Variants in HIBCH observed in about 807,000 individuals in gnomAD.
HIBCH encodes 3-hydroxyisobutyryl-CoA hydrolase.
In HIBCH, 50 loss-of-function variants were observed where a neutral mutation model predicts 58.2. The observed-to-expected ratio is 0.86, with a 90% CI of 0.68 to 1.09. The LOEUF is 1.09. HIBCH is among the 50% of genes least tolerant of loss of function. The pLI, the probability that HIBCH is intolerant of heterozygous loss-of-function variation, is 0.00. For missense variants in HIBCH, 450 were observed against 449.7 expected, an observed-to-expected ratio of 1.00 and a Z score of -0.01; for synonymous variants, 151 against 146.9, an observed-to-expected ratio of 1.03 and a Z score of -0.20.
Position 190,304,743 on chromosome 2 carries a change from GTTTT to G in HIBCH, c.78+6007_78+6010del, listed in dbSNP as rs1688360108. 1.3e-5 allele frequency among the ~76,000 whole-genome samples: 2 copies of G among 152,104 alleles called. No individual in the cohort carries two copies. The highest frequency in any genetic ancestry group is 2.9e-5 in the Non-Finnish European group (2 of 68,016). The stretch of plus-strand genomic sequence containing the variant: ...ACTTATTTTTTTTGTAAAACCAGCA[GTTTT>G]ATTTTAACCAACATTTGTTTTGATT... On this transcript the variant is annotated intron_variant, in intron 2 of 13. Transcript: ENST00000359678. The surrounding 1 kb of genome is among the most constrained non-coding windows in gnomAD (Gnocchi z 4.1).
chr2:190,312,344 G>C (rs1251903186), intron 1 of HIBCH, among the ~76,000 whole-genome samples: 1 of 152,214 alleles, frequency 6.6e-6, no homozygotes, highest in African/African-American at 2.4e-5. Context: ...AATATACTAA[G>C]ATGCATGCTT....
At chr2:190,264,126 C>T (rs2105955515) in intron 6 of HIBCH, among the ~76,000 whole-genome samples, 1 of 152,266 alleles carries the variant, frequency 6.6e-6, no homozygotes, top group East Asian at 1.9e-4. Context: ...GCCCAGAAGT[C>T]TCCAGTGACT....
intron 7 of HIBCH, among the ~76,000 whole-genome samples, chr2:190,253,958 C>T (rs1404476313): frequency 6.6e-6 from 1 of 152,108 alleles, no homozygotes; most frequent in Non-Finnish European, 1.5e-5. Context: ...CTCCCCCTTC[C>T]CCCAATTCTG....
chr2:190,205,174 A>G lies in HIBCH; in HGVS notation c.1104T>C (p.Thr368=). 6.2e-7 allele frequency: 1 copy of G among 1,611,660 alleles called. No individual in the cohort carries two copies. The highest frequency in any genetic ancestry group is 8.5e-7 in the Non-Finnish European group (1 of 1,178,348). The change falls in exon 14 of 14, where the codon ACT becomes ACC. Residue 368 remains threonine, a synonymous_variant. Transcript: ENST00000359678. The part of the protein sequence containing the change: ...KWKPADLKEV[T]EEDLNNHFKS... ...TAAAGTGATTATTCAAATCTTCCTC[A>G]GTAACTTCTTTTAGATCAGCTGGTT... is the stretch of plus-strand genomic sequence containing the variant.
At chr2:190,221,034 T>C (rs1261284055) in intron 11 of HIBCH, among the ~76,000 whole-genome samples, 2 of 152,210 alleles carry the variant, frequency 1.3e-5, no homozygotes, top group Non-Finnish European at 2.9e-5. Flanking sequence ...CCTCAGTTGG[T>C]TATCAATTAA....
At chr2:190,231,109 G>A (rs575282406) in intron 11 of HIBCH, among the ~76,000 whole-genome samples, 24 of 152,194 alleles carry the variant, frequency 1.6e-4, no homozygotes, top group African/African-American at 5.5e-4. Flanking sequence ...CAATCCAATG[G>A]GGAAGAAAGA....
chr2:190,299,508 C>CAT (rs1477843801), intron 2 of HIBCH, among the ~76,000 whole-genome samples: 2 of 152,032 alleles, frequency 1.3e-5, no homozygotes, highest in Non-Finnish European at 2.9e-5. Flanking sequence ...GTCTGATACA[C>CAT]ACACACACAC....
In HIBCH at chr2:190,197,280, G is replaced by A. The variant is rs542912155; in HGVS notation, c.*18-7283C>T. On this transcript the variant is annotated intron_variant, in intron 1 of 1. Transcript: ENST00000399855. This position sits in a 1 kb window ranked among gnomAD's most constrained non-coding sequence, Gnocchi z 4.0. The stretch of plus-strand genomic sequence containing the variant: ...GTATACTACTGATTCCTAAGGTGTC[G>A]CATTTCTTGAGTAGTAACTAAATAC... 1.6e-4 allele frequency among the ~76,000 whole-genome samples: 25 copies of A among 152,242 alleles called. No homozygotes were observed. The highest frequency in any genetic ancestry group is 5.8e-4 in the African/African-American group (24 of 41,546).
At chr2:190,266,028 C>T (rs952216465) in intron 6 of HIBCH, among the ~76,000 whole-genome samples, 4 of 151,404 alleles carry the variant, frequency 2.6e-5, no homozygotes, top group Admixed American at 6.6e-5. Context: ...ATTGTGATGT[C>T]ATATAAGGTT....
chr2:190,200,231 C>A, downstream of HIBCH: 1 of 1,079,624 alleles, frequency 9.3e-7, no homozygotes, highest in Non-Finnish European at 1.4e-6. Flanking sequence ...TGAAAAAGTA[C>A]AAATAACTAT....
rs112946311 is a variant in HIBCH at position 190,219,719 on chromosome 2, G to A, written c.892-6644C>T. Among the ~76,000 whole-genome samples the A allele has an allele frequency of 8.8e-3, 1,342 of 152,194 alleles. 9 individuals are homozygous for A. The highest frequency in any genetic ancestry group is 0.014 in the Non-Finnish European group (975 of 68,000). On this transcript the variant is annotated intron_variant, in intron 11 of 13. Coordinates refer to ENST00000359678, the MANE Select transcript of HIBCH (RefSeq NM_014362.4). ...TACAATACTCAGCCTATAAGGAACC[G>A]GGGGAGGGTCCTGCACACTAAGGGA...
chr2:190,278,525 C>A, intron 6 of HIBCH, among the ~76,000 whole-genome samples: 1 of 152,122 alleles, frequency 6.6e-6, no homozygotes. Context: ...TTTTAACAAG[C>A]CCTCCAGGTT....
At chr2:190,307,562 G>A (rs974864955) in intron 2 of HIBCH, among the ~76,000 whole-genome samples, 1 of 152,048 alleles carries the variant, frequency 6.6e-6, no homozygotes, top group Admixed American at 6.5e-5. Context: ...CTAGCTACTC[G>A]GGAGGCTAAG....
chr2:190,290,513 A>C, intron 4 of HIBCH, 28 bp from the exon 5 acceptor site: 1 of 1,447,406 alleles, frequency 6.9e-7, no homozygotes, highest in Non-Finnish European at 9.7e-7. Flanking sequence ...CAAATAAAAA[A>C]AAAAAGATTT....
chr2:190,273,764 G>T lies in HIBCH; in HGVS notation c.439-12530C>A, dbSNP rs115745221. ...GGGAAGAAGTATACCAAACGAAGCTGAACTCAGAAGTTTCTCCAAAAATCT... is the reference window on the plus strand; with the variant it reads ...GGGAAGAAGTATACCAAACGAAGCTTAACTCAGAAGTTTCTCCAAAAATCT... On this transcript the variant is annotated intron_variant, in intron 6 of 13. Transcript: ENST00000359678. Among the ~76,000 whole-genome samples, 626 of 152,132 alleles carry T rather than the reference G, an allele frequency of 4.1e-3. 8 individuals carry two copies. The highest frequency in any genetic ancestry group is 0.031 in the Middle Eastern group (9 of 294).
At chr2:190,299,867 G>A (rs1221967724) in intron 2 of HIBCH, among the ~76,000 whole-genome samples, 2 of 152,012 alleles carry the variant, frequency 1.3e-5, no homozygotes, top group African/African-American at 4.8e-5. Flanking sequence ...TCCTCTTTGT[G>A]TCCATGTGTT....
intron 1 of HIBCH, among the ~76,000 whole-genome samples, chr2:190,311,315 T>A (rs572482947): frequency 6.6e-6 from 1 of 152,188 alleles, no homozygotes; most frequent in South Asian, 2.1e-4. Context: ...ACACAGGAGA[T>A]GTTTAGGGCA....
rs549704517 is a variant in HIBCH, at chr2:190,252,170, A to T, written c.655T>A (p.Ser219Thr). The change falls in exon 8 of 14, where the codon TCT becomes ACT. Residue 219 changes from serine to threonine, a missense_variant. Coordinates refer to ENST00000359678, the MANE Select transcript of HIBCH (RefSeq NM_014362.4). ...AACATCTGAAAAAGTACCTTTTCAG[A>T]ATCTACAAAGTGTGTAGCAATTCCT... The part of the protein sequence containing the change: ...RAGIATHFVD[S>T]EKLAMLEEDL... 25 of 1,613,874 alleles carry T rather than the reference A, an allele frequency of 1.5e-5. No homozygotes were observed. The South Asian group carries it at 2.5e-4, about 16-fold the overall frequency.
At chr2:190,276,273 A>C (rs1487266308) in intron 6 of HIBCH, among the ~76,000 whole-genome samples, 1 of 152,190 alleles carries the variant, frequency 6.6e-6, no homozygotes, top group Non-Finnish European at 1.5e-5. Context: ...CTCCTCATAC[A>C]CTATGTAAAT....
Sources: gnomAD v4.1 joint callset for allele counts (sites outside exome capture counted in the v4.1 genomes callset) on GRCh38, gnomAD v4.1.1 for gene constraint, Gnocchi (gnomAD v3.1) non-coding constraint, MANE v1.5 for transcripts, NCBI Gene and HGNC (gene_info 2026-07-23, HGNC 2026-07-21) for gene names.